PDE4D: variants seen among roughly 807,000 people sequenced by gnomAD.
PDE4D encodes the protein phosphodiesterase 4D, also known as 3',5'-cyclic-AMP phosphodiesterase 4D.
Under a neutral mutation model 87.4 loss-of-function variants are expected in PDE4D, and 24 were observed. The ratio of observed to expected loss-of-function variants is 0.27; its 90% CI spans 0.20 to 0.39. The LOEUF (loss-of-function observed/expected upper bound fraction) is 0.39. PDE4D is among the 10% of genes least tolerant of loss of function. The pLI is 1.00. For missense variants in PDE4D, 714 were observed against 1,041.0 expected (o/e 0.69, Z 4.32); for synonymous variants, 384 against 383.2 (o/e 1.00, Z -0.02).
chr5:60,374,199 C>T (rs1298275085), intron 1 of PDE4D, among the ~76,000 whole-genome samples: 2 of 152,146 alleles, frequency 1.3e-5, no homozygotes, highest in African/African-American at 4.8e-5. Context: ...AAAATGACAA[C>T]TGAGTGTTGG....
At chr5:59,622,562 G>T (rs1041760151) in intron 1 of PDE4D, among the ~76,000 whole-genome samples, 5 of 152,058 alleles carry the variant, frequency 3.3e-5, no homozygotes, top group African/African-American at 1.2e-4. Context: ...GGCACACCCC[G>T]ATCTCTCTCC....
intron 2 of PDE4D, among the ~76,000 whole-genome samples, chr5:60,015,093 T>C (rs952276828): frequency 3.9e-5 from 6 of 152,174 alleles, no homozygotes; most frequent in African/African-American, 1.2e-4. Context: ...GTCTCATCAA[T>C]GTATGTTGCA....
intron 5 of PDE4D, among the ~76,000 whole-genome samples, chr5:59,050,085 G>T (rs1439037559): frequency 6.6e-6 from 1 of 152,078 alleles, no homozygotes; most frequent in Non-Finnish European, 1.5e-5. Flanking sequence ...CCAACATGAT[G>T]AACCCCATCT....
At chr5:59,604,860 T>A (rs2150044473) in intron 1 of PDE4D, among the ~76,000 whole-genome samples, 1 of 152,142 alleles carries the variant, frequency 6.6e-6, no homozygotes, top group Non-Finnish European at 1.5e-5. Flanking sequence ...AGCAAATTTT[T>A]AAAAATGTAA....
At chr5:59,468,808 A>G (rs1801973543) in intron 1 of PDE4D, among the ~76,000 whole-genome samples, 1 of 152,198 alleles carries the variant, frequency 6.6e-6, no homozygotes, top group Non-Finnish European at 1.5e-5. Context: ...GACTTTAATC[A>G]TAGGCCTAAC....
chr5:59,060,075 C>T (rs1561408596), intron 5 of PDE4D, among the ~76,000 whole-genome samples: 1 of 152,048 alleles, frequency 6.6e-6, no homozygotes, highest in East Asian at 1.9e-4. Context: ...TAGAAACTTC[C>T]CTTAAGAGAA....
chr5:59,751,574 G>GGTGTGTGTGTGTGTGTGTGTGTGT (rs57407769), intron 1 of PDE4D, among the ~76,000 whole-genome samples: 58 of 142,736 alleles, frequency 4.1e-4, no homozygotes, highest in African/African-American at 1.5e-3. Context: ...ATAAATCCCT[G>GGTGTGTGTGTGTGTGTGTGTGTGT]GTGTGTGTGT....
At chr5:59,134,212 C>T (rs1776701812) in intron 5 of PDE4D, among the ~76,000 whole-genome samples, 1 of 146,878 alleles carries the variant, frequency 6.8e-6, no homozygotes, top group East Asian at 2.0e-4. Context: ...GATGAGGCAA[C>T]TAGATACAGT....
chr5:59,508,558 T>A (rs1809694964), intron 1 of PDE4D, among the ~76,000 whole-genome samples: 1 of 149,730 alleles, frequency 6.7e-6, no homozygotes. Flanking sequence ...ATATAGAAAA[T>A]GCATAAAAAA....
At chr5:59,127,286 A>G (rs33927508) in intron 5 of PDE4D, among the ~76,000 whole-genome samples, 9,186 of 152,264 alleles carry the variant, frequency 0.06, 482 homozygotes, top group East Asian at 0.16. Flanking sequence ...ACACATTTAA[A>G]GCATATCAGT....
chr5:59,739,312 C>T lies in PDE4D; in HGVS notation c.455+153856G>A, dbSNP rs371970666. Among the ~76,000 whole-genome samples, 11 of 152,028 alleles carry T rather than the reference C, an allele frequency of 7.2e-5. No homozygotes were observed. The East Asian group carries it at 9.7e-4, about 13-fold the overall frequency. On this transcript the variant is annotated intron_variant, in intron 1 of 14. Transcript: ENST00000340635. ...GTGCACACCTGTAGTCCCAGCTATTCGGGAGGCTGAGATGAGAGGATCGCT... is the reference window on the plus strand; with the variant it reads ...GTGCACACCTGTAGTCCCAGCTATTTGGGAGGCTGAGATGAGAGGATCGCT...
chr5:59,392,456 G>A (rs1213064482), intron 1 of PDE4D, among the ~76,000 whole-genome samples: 1 of 150,180 alleles, frequency 6.7e-6, no homozygotes, highest in African/African-American at 2.5e-5. Context: ...TTGTGATTAC[G>A]TGAGTTAATA....
At chr5:60,032,315 T>C (rs965610397) in intron 2 of PDE4D, among the ~76,000 whole-genome samples, 3 of 152,234 alleles carry the variant, frequency 2.0e-5, no homozygotes, top group Non-Finnish European at 4.4e-5. Flanking sequence ...ATAGTCACAC[T>C]GAATAATTCA....
At chr5:58,984,821 CT>C (rs1294722735) in intron 11 of PDE4D, among the ~76,000 whole-genome samples, 3 of 152,144 alleles carry the variant, frequency 2.0e-5, no homozygotes, top group African/African-American at 4.8e-5. Context: ...ACTTTTGATA[CT>C]TTTTTTCAGA....
intron 1 of PDE4D, among the ~76,000 whole-genome samples, chr5:59,218,960 C>T (rs960460326): frequency 1.8e-4 from 26 of 144,002 alleles, no homozygotes; most frequent in African/African-American, 5.2e-4. Context: ...AACCAAACAC[C>T]GCATATTCTC....
chr5:59,771,808 C>G (rs1469899125), intron 1 of PDE4D, among the ~76,000 whole-genome samples: 1 of 152,144 alleles, frequency 6.6e-6, no homozygotes, highest in Non-Finnish European at 1.5e-5. Context: ...TAAACATGGA[C>G]AAAAGCATTC....
chr5:59,386,909 T>C (rs977034696), intron 1 of PDE4D, among the ~76,000 whole-genome samples: 7 of 152,142 alleles, frequency 4.6e-5, no homozygotes, highest in African/African-American at 1.4e-4. Flanking sequence ...ATAAAACATG[T>C]TAACTCTGTT....
intron 3 of PDE4D, among the ~76,000 whole-genome samples, chr5:59,957,604 T>C (rs73761069): frequency 0.16 from 24,752 of 152,014 alleles, 2,615 homozygotes; most frequent in African/African-American, 0.29. Context: ...CACATATTTT[T>C]CATAATAATT....
At chr5:59,153,288 C>T (rs370348312) in intron 5 of PDE4D, among the ~76,000 whole-genome samples, 6 of 152,254 alleles carry the variant, frequency 3.9e-5, no homozygotes, top group South Asian at 2.1e-4. Flanking sequence ...AAATGCTACT[C>T]GGACACACCA....
Sources: allele counts gnomAD v4.1 joint callset (sites outside exome capture counted in the v4.1 genomes callset), GRCh38; gene constraint gnomAD v4.1.1; transcripts MANE v1.5; gene names NCBI Gene and HGNC (gene_info 2026-07-23, HGNC 2026-07-21).